Variants in AIMP2 observed in about 807,000 individuals in gnomAD.
AIMP2 encodes aminoacyl tRNA synthetase complex interacting multifunctional protein 2.
In AIMP2, 20 loss-of-function variants were observed where a neutral mutation model predicts 23.4. The ratio of observed to expected loss-of-function variants is 0.85; its 90% CI spans 0.60 to 1.24. AIMP2 has a LOEUF of 1.24. AIMP2 is among the 50% of genes most tolerant of loss of function. AIMP2 has a pLI of 0.00. For synonymous variants in AIMP2, 210 were observed against 170.4 expected (o/e 1.23, Z -1.81); for missense variants, 515 against 414.5 (o/e 1.24, Z -2.10).
At chr7:6,009,621 G>C in intron 1 of AIMP2, 123 bp downstream of exon 1, 2 of 849,822 alleles carry the variant, frequency 2.4e-6, no homozygotes, top group Non-Finnish European at 3.2e-6. Context: ...ATCTGTGCCG[G>C]CCGGCCAGGG....
intron 3 of AIMP2, among the ~76,000 whole-genome samples, chr7:6,019,251 G>A (rs542024788): frequency 1.7e-3 from 258 of 150,948 alleles, no homozygotes; most frequent in African/African-American, 6.0e-3. Context: ...AGGCCGAGGC[G>A]GGCAGATCAC....
intron 1 of AIMP2, among the ~76,000 whole-genome samples, chr7:6,010,531 C>T (rs1344750203): frequency 1.3e-5 from 2 of 151,652 alleles, no homozygotes; most frequent in African/African-American, 4.8e-5. Context: ...CTCACTGCAA[C>T]CTCTGCCTCC....
At chr7:6,012,780 G>A (rs914032472) in intron 1 of AIMP2, 1 of 972,808 alleles carries the variant, frequency 1.0e-6, no homozygotes, top group African/African-American at 1.7e-5. Flanking sequence ...TCGAACTCCT[G>A]ACCTCAAGTG....
intron 3 of AIMP2, among the ~76,000 whole-genome samples, chr7:6,020,215 G>A (rs1397306737): frequency 6.6e-6 from 1 of 152,042 alleles, no homozygotes; most frequent in African/African-American, 2.4e-5. Context: ...GAGATCAGGA[G>A]TTCAAGACCA....
chr7:6,020,921 C>T (rs1021984773), intron 3 of AIMP2, among the ~76,000 whole-genome samples: 1 of 152,164 alleles, frequency 6.6e-6, no homozygotes, highest in Non-Finnish European at 1.5e-5. Context: ...ACTGCTAACA[C>T]CTGAGACTTA....
chr7:6,023,487 C>T lies in AIMP2; in HGVS notation c.759C>T (p.Ala253=), dbSNP rs761988750. The T allele has an allele frequency of 4.3e-6, 7 of 1,614,152 alleles. No homozygotes were observed. The highest frequency in any genetic ancestry group is 1.6e-4 in the Middle Eastern group (1 of 6,062). The stretch of plus-strand genomic sequence containing the variant: ...AAGAGGGAAGCAGTAAAGAAAAAGC[C>T]GCTGTTTTCCGCTCCATGAACTCTG... The part of the protein sequence containing the change: ...QLKEGSSKEK[A]AVFRSMNSAL... The change falls in exon 4 of 4, where the codon GCC becomes GCT. Residue 253 remains alanine, a synonymous_variant. Transcript: ENST00000223029.
intron 1 of AIMP2, 63 bp from the exon 2 acceptor site, chr7:6,015,083 C>G: frequency 6.2e-7 from 1 of 1,607,340 alleles, no homozygotes; most frequent in Non-Finnish European, 8.5e-7. Flanking sequence ...GACAAGTGAT[C>G]AAATTTAAAC....
chr7:6,017,522 C>A (rs967159107), intron 2 of AIMP2, among the ~76,000 whole-genome samples: 466 of 126,896 alleles, frequency 3.7e-3, no homozygotes, highest in Middle Eastern at 4.0e-3. Flanking sequence ...GACTCTGTCT[C>A]AAAAAAAAAA....
intron 2 of AIMP2, among the ~76,000 whole-genome samples, chr7:6,017,454 G>A (rs1787091077): frequency 1.3e-5 from 2 of 151,200 alleles, no homozygotes; most frequent in Admixed American, 6.6e-5. Flanking sequence ...ACCTGTGGAG[G>A]CAGAGGTTGC....
At position 6,015,403 on chromosome 7, in the gene AIMP2, C is replaced by A. The variant is rs752838723; in HGVS notation, c.342+51C>A. 1.9e-6 allele frequency: 3 copies of A among 1,581,554 alleles called. No homozygotes were observed. The African/African-American group carries it at 4.0e-5, about 21-fold the overall frequency. On this transcript the variant is annotated intron_variant, in intron 2 of 3. Transcript: ENST00000223029. ...GTTAGTAGGTACTGAGTGGTTAGTG[C>A]AGGGAAATTGTGCTGCTGTGATTAA...
chr7:6,014,617 A>C (rs1039400867), intron 1 of AIMP2, among the ~76,000 whole-genome samples: 2 of 152,004 alleles, frequency 1.3e-5, no homozygotes, highest in Non-Finnish European at 2.9e-5. Context: ...GGGGAAAATG[A>C]GATGTTTCTG....
At position 6,023,602 on chromosome 7, in the gene AIMP2, A is replaced by G. The variant is rs565466567; in HGVS notation, c.874A>G (p.Ser292Gly). The G allele has an allele frequency of 2.5e-6, 4 of 1,614,198 alleles. No homozygotes were observed. The Admixed American group carries it at 5.0e-5, about 20-fold the overall frequency. The change falls in exon 4 of 4, where the codon AGT (serine) becomes GGT (glycine). Residue 292 changes from serine to glycine, a missense_variant. By Grantham distance (56) the Ser-to-Gly change is moderately conservative. Transcript: ENST00000223029. The stretch of plus-strand genomic sequence containing the variant: ...TGTACTCCAGCAGATCGGAGGCTGC[A>G]GTGTGACAGTGCCAGCCAATGTGCA... Reference protein sequence around the residue: ...WSVLQQIGGCSVTVPANVQRW... With the variant: ...WSVLQQIGGCGVTVPANVQRW...
chr7:6,021,022 T>C (rs1787368631), intron 3 of AIMP2, among the ~76,000 whole-genome samples: 1 of 152,178 alleles, frequency 6.6e-6, no homozygotes, highest in Non-Finnish European at 1.5e-5. Flanking sequence ...TGATGCCTTG[T>C]CCTTGAAGTC....
intron 1 of AIMP2, among the ~76,000 whole-genome samples, chr7:6,012,497 G>A (rs930929900): frequency 6.6e-6 from 1 of 151,958 alleles, no homozygotes; most frequent in Non-Finnish European, 1.5e-5. Context: ...CTGCACTCAG[G>A]GCTTAAAAAT....
intron 1 of AIMP2, 112 bp downstream of exon 1, chr7:6,009,610 C>A: frequency 1.0e-6 from 1 of 959,640 alleles, no homozygotes; most frequent in Non-Finnish European, 1.4e-6. Context: ...CCCACCCCGG[C>A]ATCTGTGCCG....
intron 1 of AIMP2, chr7:6,012,561 G>T: frequency 5.1e-6 from 1 of 194,186 alleles, no homozygotes; most frequent in East Asian, 1.4e-4. Context: ...CCTGACCGAG[G>T]TTTTTTTTGT....
In AIMP2 at chr7:6,018,014, T is replaced by C. The variant is rs1440428758; in HGVS notation, c.543T>C (p.Tyr181=). ...EQNKKQPRQD[Y]QLGFTLIWKN... is the part of the protein sequence containing the mutation. ...ATAAAAAACAGCCCCGCCAAGACTA[T>C]CAGCTGGGATTCACTTTAATTTGGA... Residue 181 remains tyrosine (Y), a synonymous_variant, in exon 3 of 4, where the codon TAT becomes TAC. Transcript: ENST00000223029. The C allele has an allele frequency of 1.2e-6, 2 of 1,613,842 alleles. No homozygotes were observed. Among genetic ancestry groups the C allele is most frequent in the Non-Finnish European group, 1.7e-6 (2 of 1,179,980 alleles).
At chr7:6,011,396 G>A (rs1288382928) in intron 1 of AIMP2, among the ~76,000 whole-genome samples, 1 of 152,156 alleles carries the variant, frequency 6.6e-6, no homozygotes, top group African/African-American at 2.4e-5. Context: ...CTAACTTGAG[G>A]ACCTTTTCAT....
intron 1 of AIMP2, among the ~76,000 whole-genome samples, chr7:6,013,372 C>T (rs942949573): frequency 6.6e-6 from 1 of 151,230 alleles, no homozygotes; most frequent in Non-Finnish European, 1.5e-5. Context: ...AGCGATTCTC[C>T]TGCCTCAGCC....
Sources: allele counts gnomAD v4.1 joint callset (sites outside exome capture counted in the v4.1 genomes callset), GRCh38; gene constraint gnomAD v4.1.1; transcripts MANE v1.5; gene names NCBI Gene and HGNC (gene_info 2026-07-23, HGNC 2026-07-21).